The following CADPS variants were observed in gnomAD, a reference collection of about 807,000 sequenced individuals.
CADPS encodes the protein calcium dependent secretion activator.
A neutral mutation model predicts 167.3 loss-of-function variants in CADPS; 57 were observed. The observed-to-expected ratio is 0.34, with a 90% CI of 0.28 to 0.42. The LOEUF (loss-of-function observed/expected upper bound fraction) is 0.42. CADPS is among the 20% of genes least tolerant of loss of function. The pLI, the probability that CADPS is intolerant of heterozygous loss-of-function variation, is 1.00. For missense variants in CADPS, 1,414 were observed against 1,738.1 expected (o/e 0.81, Z 3.32); for synonymous variants, 676 against 635.3 (o/e 1.06, Z -0.96).
intron 1 of CADPS, among the ~76,000 whole-genome samples, chr3:62,839,920 A>G (rs372474948): frequency 9.9e-5 from 15 of 152,144 alleles, no homozygotes; most frequent in African/African-American, 3.4e-4. Flanking sequence ...GGATGACCAG[A>G]TGCATGGTGA....
intron 8 of CADPS, among the ~76,000 whole-genome samples, chr3:62,580,190 T>C (rs1173827947): frequency 6.6e-6 from 1 of 152,166 alleles, no homozygotes. Context: ...CCAACCCAAA[T>C]GTCCAACAAT....
At chr3:62,454,807 G>T (rs1456442441) in intron 26 of CADPS, among the ~76,000 whole-genome samples, 1 of 152,100 alleles carries the variant, frequency 6.6e-6, no homozygotes, top group Non-Finnish European at 1.5e-5. Context: ...GCTACTGGTT[G>T]ATTGTACGGC....
At chr3:62,541,335 C>A (rs948177102) in intron 11 of CADPS, among the ~76,000 whole-genome samples, 1 of 152,102 alleles carries the variant, frequency 6.6e-6, no homozygotes, top group African/African-American at 2.4e-5. Flanking sequence ...ACACACCTTG[C>A]AAACATTGCT....
intron 3 of CADPS, among the ~76,000 whole-genome samples, chr3:62,689,338 C>A (rs1047428351): frequency 1.3e-5 from 2 of 151,966 alleles, no homozygotes; most frequent in Non-Finnish European, 2.9e-5. Context: ...AGACCATACA[C>A]AATGAACTTT....
chr3:62,407,219 G>A (rs1453963170), intron 28 of CADPS, among the ~76,000 whole-genome samples: 1 of 151,970 alleles, frequency 6.6e-6, no homozygotes, highest in African/African-American at 2.4e-5. Flanking sequence ...CCAAAAACAA[G>A]GGAGAAAGTG....
intron 1 of CADPS, among the ~76,000 whole-genome samples, chr3:62,771,291 A>T (rs1345158522): frequency 6.6e-6 from 1 of 152,206 alleles, no homozygotes. Flanking sequence ...ATATAACAGT[A>T]TCAAGGCACA....
chr3:62,589,911 T>G (rs2085533439), intron 7 of CADPS, among the ~76,000 whole-genome samples: 1 of 152,110 alleles, frequency 6.6e-6, no homozygotes, highest in Non-Finnish European at 1.5e-5. Context: ...ATTTCCAGGC[T>G]GGGTGCAGTA....
At chr3:62,687,438 G>A (rs567644838) in intron 3 of CADPS, among the ~76,000 whole-genome samples, 2 of 152,170 alleles carry the variant, frequency 1.3e-5, no homozygotes, top group South Asian at 2.1e-4. Flanking sequence ...ATTTTATTGA[G>A]TGAACGTTAA....
At chr3:62,553,193 G>A (rs1282209761) in intron 10 of CADPS, among the ~76,000 whole-genome samples, 1 of 152,182 alleles carries the variant, frequency 6.6e-6, no homozygotes, top group Non-Finnish European at 1.5e-5. Context: ...CCCAGGGCCT[G>A]CTGCTGGGGT....
chr3:62,652,483 C>CTGTCAT (rs2070448844), intron 4 of CADPS, among the ~76,000 whole-genome samples: 1 of 151,774 alleles, frequency 6.6e-6, no homozygotes, highest in South Asian at 2.1e-4. Flanking sequence ...TATTAGTGCC[C>CTGTCAT]TGTCATCAAT....
chr3:62,407,135 ACATCATCATCATCAT>A (rs79885636), intron 28 of CADPS, among the ~76,000 whole-genome samples: 3 of 151,114 alleles, frequency 2.0e-5, no homozygotes, highest in Non-Finnish European at 4.4e-5. Context: ...ACTGCAATCA[ACATCATCATCATCAT>A]CATCATCATC....
At chr3:62,500,575 A>G (rs1420438265) in intron 17 of CADPS, 5 of 152,200 alleles carry the variant, frequency 3.3e-5, no homozygotes, top group Non-Finnish European at 5.9e-5. Context: ...GTCAGAGCAC[A>G]TGGGATATAG....
At chr3:62,654,729 C>T (rs1473609919) in intron 4 of CADPS, among the ~76,000 whole-genome samples, 2 of 152,126 alleles carry the variant, frequency 1.3e-5, no homozygotes, top group Admixed American at 1.3e-4. Flanking sequence ...CCTCCTCATA[C>T]TGGGGCCAAA....
intron 1 of CADPS, among the ~76,000 whole-genome samples, chr3:62,789,916 T>C (rs1404242143): frequency 2.0e-5 from 3 of 152,176 alleles, no homozygotes; most frequent in Non-Finnish European, 4.4e-5. Flanking sequence ...GGGCCCACTA[T>C]GTGTTTGGTC....
At chr3:62,660,933 A>G (rs1250574151) in intron 4 of CADPS, among the ~76,000 whole-genome samples, 1 of 152,156 alleles carries the variant, frequency 6.6e-6, no homozygotes, top group East Asian at 1.9e-4. Flanking sequence ...GTGTGCCACA[A>G]TCTCTTTGCT....
intron 5 of CADPS, 95 bp from the exon 6 acceptor site, chr3:62,645,938 C>T (rs2068455361): frequency 1.4e-6 from 2 of 1,412,036 alleles, no homozygotes; most frequent in South Asian, 2.5e-5. Context: ...ACAGAGAAAA[C>T]CAACAGGTAT....
intron 1 of CADPS, among the ~76,000 whole-genome samples, chr3:62,797,304 G>T (rs149337351): frequency 6.6e-6 from 1 of 151,958 alleles, no homozygotes; most frequent in Non-Finnish European, 1.5e-5. Context: ...GACGGTGTTT[G>T]GTTTCCTCAT....
Position 62,478,146 on chromosome 3 carries a change from C to A in CADPS, c.3329+115G>T. 2.6e-6 allele frequency: 3 copies of A among 1,162,294 alleles called. No homozygotes were observed. The highest frequency in any genetic ancestry group is 2.4e-5 in the East Asian group (1 of 42,206). 72.0% of individuals were successfully genotyped at this position (1,162,294 alleles called of 1,614,324 possible). A position where few individuals can be genotyped will look rare whatever the true frequency, so the allele number is the denominator to read the frequency against. ...CTCCAGCTGACTTTGACAAGCAATC[C>A]CCTTCTCCAATTAGTTTCAAACTAC... On this transcript the variant is annotated intron_variant, in intron 23 of 29. Transcript: ENST00000383710. This position sits in a 1 kb window ranked among gnomAD's most constrained non-coding sequence, Gnocchi z 5.7.
intron 3 of CADPS, among the ~76,000 whole-genome samples, chr3:62,664,362 T>C (rs1412266654): frequency 6.6e-6 from 1 of 152,220 alleles, no homozygotes; most frequent in Non-Finnish European, 1.5e-5. Context: ...ATAATACTCA[T>C]AGAACATGAG....
Sources: gnomAD v4.1 joint callset for allele counts (sites outside exome capture counted in the v4.1 genomes callset) on GRCh38, gnomAD v4.1.1 for gene constraint, Gnocchi (gnomAD v3.1) non-coding constraint, MANE v1.5 for transcripts, NCBI Gene and HGNC (gene_info 2026-07-23, HGNC 2026-07-21) for gene names.